The following FAM117B variants were observed in gnomAD, a reference collection of about 807,000 sequenced individuals.
FAM117B encodes the protein family with sequence similarity 117 member B.
In FAM117B, 22 loss-of-function variants were observed where a neutral mutation model predicts 52.8. The observed-to-expected ratio is 0.42, with a 90% confidence interval of 0.30 to 0.59. FAM117B has a LOEUF of 0.59. Ranked by LOEUF, FAM117B falls within the 20% of genes least tolerant of loss-of-function variation. FAM117B has a pLI of 0.22. For synonymous variants in FAM117B, 309 were observed against 324.1 expected, an observed-to-expected ratio of 0.95 and a Z score of 0.50; for missense variants, 678 against 802.6, an observed-to-expected ratio of 0.84 and a Z score of 1.88.
Position 202,765,671 on chromosome 2 carries a change from A to G in FAM117B, c.1677A>G (p.Thr559=). Residue 559 remains threonine (T), a synonymous_variant, in exon 8 of 8, where the codon ACA becomes ACG. Transcript: ENST00000392238. ...CTGTGGCCTCCCTGTCTACAAACAC[A>G]GAGCAAGACCGAGTCTCTCGAGGAA... ...PIAVASLSTN[T]EQDRVSRGTS... 6.2e-7 allele frequency: 1 copy of G among 1,614,156 alleles called. No individual in the cohort carries two copies. Among genetic ancestry groups the G allele is most frequent in the Non-Finnish European group, 8.5e-7 (1 of 1,180,030 alleles).
In FAM117B at chr2:202,732,275, T is replaced by C. The variant is rs202140140; in HGVS notation, c.960+5912T>C. ...GTTCCTCAAAAGATTAAACGTGGAA[T>C]TGCCAAATGGCCCGGCACTTCCTCT... On this transcript the variant is annotated intron_variant, in intron 4 of 7. Transcript: ENST00000392238. 2.0e-5 allele frequency among the ~76,000 whole-genome samples: 3 copies of C among 152,316 alleles called. No individual in the cohort carries two copies. In the East Asian group the frequency reaches 5.8e-4, roughly 29 times the overall value.
rs1194872258 is a variant in FAM117B, at chr2:202,695,970, G to A, written c.691G>A (p.Gly231Arg). 1 of 1,614,004 alleles carries A rather than the reference G, an allele frequency of 6.2e-7. No homozygotes were observed. The highest frequency in any genetic ancestry group is 1.7e-5 in the Admixed American group (1 of 59,998). ...LDTLAAPYLA[G>R]HWPRDSHGQA... ...TACTCTTGCTGCACCGTATCTTGCT[G>A]GACACTGGCCTCGGGATAGCCATGG... Residue 231 changes from glycine to arginine, a missense_variant, in exon 2 of 8, where the codon GGA (glycine) becomes AGA (arginine). Gly to Arg is a moderately radical substitution (Grantham distance 125, BLOSUM62 -2). Transcript: ENST00000392238.
rs1233883730 is a variant in FAM117B at position 202,757,417 on chromosome 2, C to G, written c.1309C>G (p.Leu437Val). The G allele has an allele frequency of 4.3e-6, 7 of 1,613,872 alleles. No individual in the cohort carries two copies. Among genetic ancestry groups the G allele is most frequent in the Non-Finnish European group, 5.9e-6 (7 of 1,179,980 alleles). ...GAGTCCTTGCTCAGCGGATGACCTG[C>G]TTGTTGATCCCAGAGATAAAGGTAC... ...EESPCSADDLLVDPRDKENGN... is the reference protein window; with the variant it reads ...EESPCSADDLVVDPRDKENGN... Residue 437 changes from leucine to valine, a missense_variant, in exon 6 of 8, where the codon CTT becomes GTT. This residue lies in a region of FAM117B where 583 missense variants were observed against 644.8 expected (regional missense o/e 0.90). Coordinates refer to ENST00000392238, the MANE Select transcript of FAM117B (RefSeq NM_173511.4).
At chr2:202,756,969 A>G (rs1691808916) in intron 5 of FAM117B, among the ~76,000 whole-genome samples, 3 of 152,164 alleles carry the variant, frequency 2.0e-5, no homozygotes, top group Admixed American at 2.0e-4. Context: ...TCATTTATTC[A>G]GCAAGCATTG....
intron 2 of FAM117B, among the ~76,000 whole-genome samples, chr2:202,698,688 G>T (rs754277306): frequency 6.6e-6 from 1 of 152,124 alleles, no homozygotes; most frequent in African/African-American, 2.4e-5. Flanking sequence ...CTCCCAAAGC[G>T]CTAGGATTAC....
At chr2:202,757,561 C>G (rs1163298336) in intron 6 of FAM117B, 123 bp downstream of exon 6, 1 of 1,061,250 alleles carries the variant, frequency 9.4e-7, no homozygotes, top group Non-Finnish European at 1.4e-6. Flanking sequence ...TGTTCAAAGC[C>G]TAGGTTTTCA....
chr2:202,720,055 T>C (rs966377725), intron 2 of FAM117B, among the ~76,000 whole-genome samples: 1 of 152,168 alleles, frequency 6.6e-6, no homozygotes, highest in Non-Finnish European at 1.5e-5. Flanking sequence ...AATAGTAATT[T>C]GTGGAGAAAT....
Position 202,715,073 on chromosome 2 carries a change from G to A in FAM117B, c.754-9844G>A, listed in dbSNP as rs180769326. ...TACACCTCCCAGACGGGGTGGTGGC[G>A]GGGCAGAGGGGCTCCTCACTTCCCA... On this transcript the variant is annotated intron_variant, in intron 2 of 7. Transcript: ENST00000392238. Among the ~76,000 whole-genome samples, 1,298 of 151,824 alleles carry A rather than the reference G, an allele frequency of 8.5e-3. 23 individuals carry two copies. Among genetic ancestry groups the A allele is most frequent in the African/African-American group, 0.03 (1,222 of 41,370 alleles).
intron 4 of FAM117B, among the ~76,000 whole-genome samples, chr2:202,753,118 A>G (rs1185526986): frequency 6.6e-6 from 1 of 152,244 alleles, no homozygotes; most frequent in East Asian, 1.9e-4. Context: ...ACTTCAAACT[A>G]TACTATAAGG....
chr2:202,752,043 G>T (rs1378306370), intron 4 of FAM117B, among the ~76,000 whole-genome samples: 1 of 151,530 alleles, frequency 6.6e-6, no homozygotes, highest in East Asian at 1.9e-4. Flanking sequence ...GGGAACAGAG[G>T]GACTTATAAA....
intron 2 of FAM117B, among the ~76,000 whole-genome samples, chr2:202,710,923 G>T (rs534900554): frequency 6.6e-6 from 1 of 152,072 alleles, no homozygotes; most frequent in Admixed American, 6.5e-5. Context: ...ACTCCATTGT[G>T]TGTATGTACC....
At chr2:202,644,372 G>A (rs1689830800) in intron 1 of FAM117B, among the ~76,000 whole-genome samples, 1 of 152,064 alleles carries the variant, frequency 6.6e-6, no homozygotes, top group Admixed American at 6.5e-5. Flanking sequence ...AGAAAGTTTT[G>A]ATAATGGAAA....
intron 4 of FAM117B, among the ~76,000 whole-genome samples, chr2:202,737,057 G>A (rs1691451473): frequency 6.6e-6 from 1 of 152,080 alleles, no homozygotes; most frequent in South Asian, 2.1e-4. Context: ...AATGAAAGGA[G>A]TCAAAAACAG....
At chr2:202,765,379 CTTT>C (rs373287818) in intron 7 of FAM117B, 64 bp from the exon 8 acceptor site, 104 of 1,130,320 alleles carry the variant, frequency 9.2e-5, no homozygotes, top group African/African-American at 3.3e-4. Flanking sequence ...TGTTTCCAAG[CTTT>C]TTTTTTTTTT....
chr2:202,668,166 TAC>T (rs1690234665), intron 1 of FAM117B, among the ~76,000 whole-genome samples: 1 of 141,010 alleles, frequency 7.1e-6, no homozygotes, highest in Non-Finnish European at 1.5e-5. Flanking sequence ...AATTATATAA[TAC>T]ATACATATTA....
intron 1 of FAM117B, among the ~76,000 whole-genome samples, chr2:202,645,359 G>A (rs55965702): frequency 0.18 from 27,758 of 151,462 alleles, 3,189 homozygotes; most frequent in South Asian, 0.38. Flanking sequence ...CGAGATCTCG[G>A]CTCACTGCAG....
At chr2:202,718,466 G>C (rs1691091665) in intron 2 of FAM117B, among the ~76,000 whole-genome samples, 1 of 151,928 alleles carries the variant, frequency 6.6e-6, no homozygotes, top group Non-Finnish European at 1.5e-5. Flanking sequence ...ATCATATAAT[G>C]CTGTTCTTTA....
At chr2:202,671,145 G>C (rs749238664) in intron 1 of FAM117B, among the ~76,000 whole-genome samples, 1 of 152,130 alleles carries the variant, frequency 6.6e-6, no homozygotes, top group Non-Finnish European at 1.5e-5. Context: ...TAGTTTTGTC[G>C]ATCATAAACA....
At chr2:202,687,879 A>G (rs923506275) in intron 1 of FAM117B, among the ~76,000 whole-genome samples, 1 of 152,188 alleles carries the variant, frequency 6.6e-6, no homozygotes, top group African/African-American at 2.4e-5. Context: ...TTAATTAGGT[A>G]CTGCTGGGCC....
Sources: allele counts gnomAD v4.1 joint callset (sites outside exome capture counted in the v4.1 genomes callset), GRCh38; gene constraint gnomAD v4.1.1; regional missense constraint gnomAD v4.1.1; transcripts MANE v1.5; gene names NCBI Gene and HGNC (gene_info 2026-07-23, HGNC 2026-07-21).